Variants in ZFAT observed in about 807,000 individuals in gnomAD.
The protein encoded by ZFAT is zinc finger protein ZFAT.
A neutral mutation model predicts 117.7 loss-of-function variants in ZFAT; 64 were observed. The observed-to-expected ratio is 0.54, with a 90% confidence interval of 0.44 to 0.67. The LOEUF is 0.67. Among genes scored for constraint, ZFAT ranks in the 30% least tolerant of loss-of-function variants. ZFAT has a pLI of 0.00. For synonymous variants in ZFAT, 679 were observed against 615.0 expected, an observed-to-expected ratio of 1.10 and a Z score of -1.54; for missense variants, 1,433 against 1,584.5, an observed-to-expected ratio of 0.90 and a Z score of 1.62.
chr8:134,598,681 TC>T (rs1307495257), intron 7 of ZFAT: 2 of 152,188 alleles, frequency 1.3e-5, no homozygotes, highest in African/African-American at 4.8e-5. Flanking sequence ...AATTACAACT[TC>T]CCTTTTCTTG....
chr8:134,769,065 T>C, the ZFAT span, among the ~76,000 whole-genome samples: 4 of 152,012 alleles, frequency 2.6e-5, no homozygotes, highest in Non-Finnish European at 5.9e-5. Flanking sequence ...CCCAGCTACT[T>C]AGGAGGCTGA....
At chr8:134,558,593 T>G (rs1284740048) in intron 11 of ZFAT, among the ~76,000 whole-genome samples, 1 of 152,204 alleles carries the variant, frequency 6.6e-6, no homozygotes, top group African/African-American at 2.4e-5. Context: ...GAAAAATATT[T>G]AGAGTGAGCT....
At chr8:134,667,513 C>A (rs112114505) in intron 1 of ZFAT, among the ~76,000 whole-genome samples, 2,236 of 64,236 alleles carry the variant, frequency 0.035, 98 homozygotes, top group Non-Finnish European at 0.05. Flanking sequence ...AAAAAAAAAA[C>A]ATAGATGACA....
the ZFAT span, among the ~76,000 whole-genome samples, chr8:134,803,756 A>G: frequency 6.6e-6 from 1 of 152,240 alleles, no homozygotes; most frequent in South Asian, 2.1e-4. Context: ...AAAGTACTAT[A>G]CATGCAAGGT....
chr8:134,653,042 C>T (rs1831342460), intron 2 of ZFAT, among the ~76,000 whole-genome samples: 1 of 151,728 alleles, frequency 6.6e-6, no homozygotes, highest in Non-Finnish European at 1.5e-5. Flanking sequence ...GTAAATTATG[C>T]ATTATCCATA....
At chr8:134,518,754 G>A (rs1298587294) in intron 13 of ZFAT, among the ~76,000 whole-genome samples, 1 of 151,834 alleles carries the variant, frequency 6.6e-6, no homozygotes, top group African/African-American at 2.4e-5. Context: ...CTTTCTTCTA[G>A]TATTTGTAAA....
intron 3 of ZFAT, 124 bp downstream of exon 3, chr8:134,637,337 A>G: frequency 1.6e-6 from 2 of 1,274,622 alleles, no homozygotes; most frequent in East Asian, 2.3e-5. Flanking sequence ...GCACTTTTCC[A>G]GATGGGTGAG....
At chr8:134,577,206 T>C (rs1442454) in intron 10 of ZFAT, among the ~76,000 whole-genome samples, 22,513 of 152,244 alleles carry the variant, frequency 0.15, 2,014 homozygotes, top group Admixed American at 0.25. Flanking sequence ...TCAATTTCTC[T>C]CTTTGTACAT....
At chr8:134,481,261 C>T (rs975782088) in intron 15 of ZFAT, among the ~76,000 whole-genome samples, 6 of 152,164 alleles carry the variant, frequency 3.9e-5, no homozygotes, top group Non-Finnish European at 8.8e-5. Flanking sequence ...TCTCCTCTTA[C>T]CTGTCAGTAA....
chr8:134,818,279 A>T, the ZFAT span, among the ~76,000 whole-genome samples: 1 of 152,240 alleles, frequency 6.6e-6, no homozygotes, highest in African/African-American at 2.4e-5. Flanking sequence ...GAATGCAGTA[A>T]GAAAACAACC....
At chr8:134,774,604 C>T in the ZFAT span, among the ~76,000 whole-genome samples, 727 of 152,314 alleles carry the variant, frequency 4.8e-3, 6 homozygotes, top group African/African-American at 0.016. Flanking sequence ...AATGTTACTG[C>T]ACACCTAACA....
chr8:134,673,055 A>G (rs1173853617), intron 1 of ZFAT: 1 of 152,218 alleles, frequency 6.6e-6, no homozygotes, highest in Non-Finnish European at 1.5e-5. Context: ...GTGGTTCTCA[A>G]TGTATGTAGA....
intron 1 of ZFAT, among the ~76,000 whole-genome samples, chr8:134,706,798 A>G (rs967018028): frequency 2.0e-5 from 3 of 151,606 alleles, no homozygotes; most frequent in African/African-American, 7.3e-5. Context: ...AAAGTTCTGT[A>G]TATTGTTAGG....
At chr8:134,720,711 C>G in the ZFAT span, among the ~76,000 whole-genome samples, 2 of 152,230 alleles carry the variant, frequency 1.3e-5, no homozygotes, top group Admixed American at 1.3e-4. Flanking sequence ...CAGAAGAATC[C>G]CGAAGGCAAA....
chr8:134,499,497 G>C (rs1818791654), intron 15 of ZFAT, among the ~76,000 whole-genome samples: 1 of 148,604 alleles, frequency 6.7e-6, no homozygotes, highest in East Asian at 2.0e-4. Context: ...TGATTTGGTA[G>C]GGTTGGCATG....
chr8:134,711,178 AG>A (rs554394390), intron 1 of ZFAT, among the ~76,000 whole-genome samples: 51 of 152,236 alleles, frequency 3.4e-4, no homozygotes, highest in Non-Finnish European at 6.9e-4. Flanking sequence ...TACACTGCCC[AG>A]GCTGGTCTTG....
At chr8:134,766,460 T>C in the ZFAT span, 1 of 152,230 alleles carries the variant, frequency 6.6e-6, no homozygotes, top group Admixed American at 6.5e-5. Flanking sequence ...CATTAACTCA[T>C]GGTCAATCAT....
chr8:134,539,659 G>A (rs1822104561), intron 11 of ZFAT, among the ~76,000 whole-genome samples: 1 of 152,194 alleles, frequency 6.6e-6, no homozygotes. Flanking sequence ...TTCAAATGCA[G>A]AAAAAGGCCA....
intron 15 of ZFAT, among the ~76,000 whole-genome samples, chr8:134,501,239 A>G (rs552650613): frequency 6.6e-6 from 1 of 152,294 alleles, no homozygotes; most frequent in South Asian, 2.1e-4. Flanking sequence ...CTGGGTGCCT[A>G]TGCTCTCGGT....
Sources: gnomAD v4.1 joint callset for allele counts (sites outside exome capture counted in the v4.1 genomes callset) on GRCh38, gnomAD v4.1.1 for gene constraint, MANE v1.5 for transcripts, NCBI Gene and HGNC (gene_info 2026-07-23, HGNC 2026-07-21) for gene names.